The following ZNF423 variants were observed in gnomAD, a reference collection of about 807,000 sequenced individuals.
ZNF423 encodes zinc finger protein 423, also known as Ebf-associated zinc finger protein.
ZNF423 carries 12 observed loss-of-function variants against 95.8 expected under a neutral mutation model. The ratio of observed to expected loss-of-function variants is 0.13; its 90% CI spans 0.08 to 0.20. The LOEUF is 0.20. Ranked by LOEUF, ZNF423 falls within the 10% of genes least tolerant of loss-of-function variation. The pLI is 1.00. For missense variants in ZNF423, 1,316 were observed against 1,737.1 expected (o/e 0.76, Z 4.31); for synonymous variants, 749 against 711.9 (o/e 1.05, Z -0.83).
chr16:49,666,697 G>A (rs1287231175), intron 3 of ZNF423, among the ~76,000 whole-genome samples: 1 of 152,190 alleles, frequency 6.6e-6, no homozygotes, highest in Non-Finnish European at 1.5e-5. Context: ...AGCTGGAGAT[G>A]GGGGAGGCCC....
At chr16:49,799,798 T>C (rs1255348411) in intron 1 of ZNF423, among the ~76,000 whole-genome samples, 2 of 152,208 alleles carry the variant, frequency 1.3e-5, no homozygotes, top group Non-Finnish European at 2.9e-5. Context: ...TTTGGTTTAT[T>C]TTATTTTTTA....
At chr16:49,815,903 T>TAC (rs2034842133) in intron 1 of ZNF423, among the ~76,000 whole-genome samples, 1 of 46,446 alleles carries the variant, frequency 2.2e-5, no homozygotes, top group African/African-American at 9.7e-5. Flanking sequence ...TATATATATA[T>TAC]ATATATATAT....
At chr16:49,551,585 G>T (rs1415832830) in intron 5 of ZNF423, among the ~76,000 whole-genome samples, 1 of 152,204 alleles carries the variant, frequency 6.6e-6, no homozygotes, top group East Asian at 1.9e-4. Context: ...TGGGGGCAAA[G>T]GACAAACCAG....
intron 5 of ZNF423, among the ~76,000 whole-genome samples, chr16:49,576,979 A>G (rs1970519427): frequency 6.6e-6 from 1 of 152,262 alleles, no homozygotes; most frequent in South Asian, 2.1e-4. Flanking sequence ...CACAGATGAG[A>G]AGACAGGCAA....
intron 5 of ZNF423, among the ~76,000 whole-genome samples, chr16:49,591,832 T>C (rs1287881294): frequency 6.6e-6 from 1 of 152,152 alleles, no homozygotes; most frequent in Non-Finnish European, 1.5e-5. Context: ...ATTCCATTTC[T>C]ACACAGGAAA....
chr16:49,617,054 C>CCT (rs1380717511), intron 5 of ZNF423, among the ~76,000 whole-genome samples: 1 of 152,118 alleles, frequency 6.6e-6, no homozygotes. Context: ...AAATAAAAGC[C>CCT]CTCTTTCTTT....
At chr16:49,854,576 C>G (rs2035336944) in intron 1 of ZNF423, 1 of 985,318 alleles carries the variant, frequency 1.0e-6, no homozygotes, top group Non-Finnish European at 1.2e-6. Flanking sequence ...TAGACTTAGC[C>G]GCTCTCATCG....
rs75396390 is a variant in ZNF423, at chr16:49,488,376, G to T, written c.*2899C>A. On this transcript the variant is annotated 3_prime_UTR_variant, in exon 8 of 8. Coordinates refer to ENST00000563137, the MANE Select transcript of ZNF423 (RefSeq NM_001379286.1). ...TCCATGACAGGGGCCTGTGGCCCAA[G>T]GGTCCTGGTCCATTTCCCAGCCTGG... 0.23 allele frequency: 34,810 copies of T among 152,046 alleles called. 4,978 individuals carry two copies. The highest frequency in any genetic ancestry group is 0.36 in the Admixed American group (5,437 of 15,276). 9.4% of individuals were successfully genotyped at this position (152,046 alleles called of 1,614,324 possible). A position where few individuals can be genotyped will look rare whatever the true frequency, so the allele number is the denominator to read the frequency against.
At chr16:49,584,539 G>A (rs1019588505) in intron 5 of ZNF423, among the ~76,000 whole-genome samples, 2 of 152,186 alleles carry the variant, frequency 1.3e-5, no homozygotes, top group Non-Finnish European at 2.9e-5. Context: ...ATGAAGACTA[G>A]GTGACCTAAG....
At chr16:49,606,336 T>G (rs1567499505) in intron 5 of ZNF423, among the ~76,000 whole-genome samples, 2 of 151,896 alleles carry the variant, frequency 1.3e-5, no homozygotes, top group African/African-American at 4.8e-5. Flanking sequence ...GAAGCCAGCT[T>G]AAGAGCGAGG....
chr16:49,505,349 G>A (rs77403095), intron 7 of ZNF423, among the ~76,000 whole-genome samples: 2,793 of 152,264 alleles, frequency 0.018, 78 homozygotes, highest in African/African-American at 0.064. Context: ...AACTTTGATC[G>A]TGTCCATTTT....
chr16:49,605,561 T>G (rs568742893), intron 5 of ZNF423, among the ~76,000 whole-genome samples: 14 of 152,174 alleles, frequency 9.2e-5, no homozygotes, highest in African/African-American at 3.1e-4. Context: ...CCTCCTTCCA[T>G]TCCCCAGAAC....
chr16:49,645,743 C>T (rs959786538), intron 3 of ZNF423, among the ~76,000 whole-genome samples: 1 of 152,126 alleles, frequency 6.6e-6, no homozygotes, highest in Non-Finnish European at 1.5e-5. Flanking sequence ...GTGGGAGGGA[C>T]CTGGTGGGAG....
Position 49,710,655 on chromosome 16 carries a change from G to A in ZNF423, c.301+20116C>T, listed in dbSNP as rs553859092. On this transcript the variant is annotated intron_variant, in intron 3 of 7. Transcript: ENST00000563137. Reference sequence around the variant, plus strand: ...ACTGGAATGACAGGTGGCTCTTAATGGTGGGAAAACAAGAGAGGGGACTCC... The same window carrying A: ...ACTGGAATGACAGGTGGCTCTTAATAGTGGGAAAACAAGAGAGGGGACTCC... Among the ~76,000 whole-genome samples, 4 of 152,284 alleles carry A rather than the reference G, an allele frequency of 2.6e-5. No individual in the cohort carries two copies. The East Asian group carries it at 7.7e-4, about 29-fold the overall frequency.
chr16:49,708,453 A>T (rs929385862), intron 3 of ZNF423, among the ~76,000 whole-genome samples: 1 of 151,680 alleles, frequency 6.6e-6, no homozygotes, highest in Non-Finnish European at 1.5e-5. Flanking sequence ...TGTCCAGCTA[A>T]TTTTTTTTGT....
intron 1 of ZNF423, among the ~76,000 whole-genome samples, chr16:49,811,402 G>A (rs1293506744): frequency 6.6e-6 from 1 of 152,082 alleles, no homozygotes; most frequent in Non-Finnish European, 1.5e-5. Flanking sequence ...ACTGGGGGTG[G>A]AGGAGACAAT....
chr16:49,728,893 T>A (rs2033093893), intron 3 of ZNF423, among the ~76,000 whole-genome samples: 1 of 152,080 alleles, frequency 6.6e-6, no homozygotes, highest in Admixed American at 6.5e-5. Flanking sequence ...CCATCACGCC[T>A]GGGTAATTTT....
intron 2 of ZNF423, among the ~76,000 whole-genome samples, chr16:49,750,509 G>C (rs1567326269): frequency 6.6e-6 from 1 of 152,150 alleles, no homozygotes; most frequent in African/African-American, 2.4e-5. Flanking sequence ...GACACAGGGA[G>C]GAGGGCCAGA....
At chr16:49,725,637 G>A (rs891699051) in intron 3 of ZNF423, among the ~76,000 whole-genome samples, 6 of 152,210 alleles carry the variant, frequency 3.9e-5, no homozygotes, top group African/African-American at 1.2e-4. Context: ...TGGACTGTGT[G>A]GGCGTGGGGG....
Sources: allele counts gnomAD v4.1 joint callset (sites outside exome capture counted in the v4.1 genomes callset), GRCh38; gene constraint gnomAD v4.1.1; transcripts MANE v1.5; gene names NCBI Gene and HGNC (gene_info 2026-07-23, HGNC 2026-07-21).